The following VEZF1 variants were observed in gnomAD, a reference collection of about 807,000 sequenced individuals.
VEZF1 encodes vascular endothelial zinc finger 1.
VEZF1 carries 5 observed loss-of-function variants against 44.1 expected under a neutral mutation model. The ratio of observed to expected loss-of-function variants is 0.11; its 90% CI spans 0.06 to 0.24. The LOEUF (loss-of-function observed/expected upper bound fraction) is 0.24, where lower values mean the gene tolerates loss of function less well. Ranked by LOEUF, VEZF1 falls within the 10% of genes least tolerant of loss-of-function variation. VEZF1 has a pLI of 1.00. For synonymous variants in VEZF1, 236 were observed against 233.1 expected (o/e 1.01, Z -0.11); for missense variants, 358 against 641.8 (o/e 0.56, Z 4.78).
At position 57,974,775 on chromosome 17, in the gene VEZF1, T is replaced by C. The variant is rs1308071678; in HGVS notation, c.1264A>G (p.Met422Val). The C allele has an allele frequency of 9.3e-6, 15 of 1,614,194 alleles. No individual in the cohort carries two copies. The highest frequency in any genetic ancestry group is 2.2e-5 in the East Asian group (1 of 44,888). ...ACATTTACTGGACTTCTCATGCTCA[T>C]TGCAGCTGCCACTGTGACTGGGTTT... ...MSNPVTVAAAMSMRSPVNVSS... is the reference protein window; with the variant it reads ...MSNPVTVAAAVSMRSPVNVSS... The change falls in exon 6 of 6, where the codon ATG becomes GTG. Residue 422 changes from methionine (M) to valine (V), a missense_variant. By Grantham distance (21) the Met-to-Val change is conservative (BLOSUM62 1). Coordinates refer to ENST00000581208, the MANE Select transcript of VEZF1 (RefSeq NM_007146.3).
chr17:57,979,431 A>T (rs1444464061), intron 4 of VEZF1, 118 bp from the exon 5 acceptor site: 34 of 1,461,524 alleles, frequency 2.3e-5, no homozygotes, highest in African/African-American at 2.8e-5. Flanking sequence ...AGCTCTTAGT[A>T]AGTGCATCTT....
Position 57,982,645 on chromosome 17 carries a change from T to C in VEZF1, c.728+54A>G, listed in dbSNP as rs1403269884. 4 of 1,515,236 alleles carry C rather than the reference T, an allele frequency of 2.6e-6. No individual in the cohort carries two copies. In the Admixed American group the frequency reaches 8.0e-5, roughly 30 times the overall value. 93.9% of individuals were successfully genotyped at this position (1,515,236 alleles called of 1,614,324 possible). On this transcript the variant is annotated intron_variant, in intron 2 of 5. Transcript: ENST00000581208. ...ATTCTAGATCACATGGAGACAAAAC[T>C]GAAGTACACTGATACCATAATGAAG...
At chr17:57,975,013 T>C (rs1598042697) in intron 5 of VEZF1, 113 bp from the exon 6 acceptor site, 2 of 1,236,396 alleles carry the variant, frequency 1.6e-6, no homozygotes, top group Non-Finnish European at 2.2e-6. Context: ...TAAATCAAAT[T>C]CCAGTTTTCT....
At position 57,983,249 on chromosome 17, in the gene VEZF1, T is replaced by G. The variant is rs559456870; in HGVS notation, c.178A>C (p.Lys60Gln). The change falls in exon 2 of 6, where the codon AAG (lysine) becomes CAG (glutamine). Residue 60 changes from lysine to glutamine, a missense_variant. By Grantham distance (53) the Lys-to-Gln change is moderately conservative. This residue lies in a region of VEZF1 where 117 missense variants were observed against 207.2 expected (regional missense o/e 0.56). Coordinates refer to ENST00000581208, the MANE Select transcript of VEZF1 (RefSeq NM_007146.3). ...QKPQGAPETL[K>Q]DAIGIKKEKP... ...TCTTTTTTAATCCCAATGGCATCCT[T>G]TAATGTTTCTGGTGCACCCTGAGGT... is the stretch of plus-strand genomic sequence containing the variant. 1 of 1,614,120 alleles carries G rather than the reference T, an allele frequency of 6.2e-7. No homozygotes were observed. Among genetic ancestry groups the G allele is most frequent in the Non-Finnish European group, 8.5e-7 (1 of 1,180,008 alleles).
chr17:57,984,808 G>A (rs569513039), intron 1 of VEZF1, among the ~76,000 whole-genome samples: 2 of 152,330 alleles, frequency 1.3e-5, no homozygotes, highest in East Asian at 3.9e-4. Context: ...ATTAGGAGGT[G>A]TGGTATCCAG....
chr17:57,974,517 T>C lies in VEZF1; in HGVS notation c.1522A>G (p.Met508Val). The change falls in exon 6 of 6, where the codon ATG becomes GTG. Residue 508 changes from methionine to valine, a missense_variant. By Grantham distance (21) the Met-to-Val change is conservative. Coordinates refer to ENST00000581208, the MANE Select transcript of VEZF1 (RefSeq NM_007146.3). Reference sequence around the variant, plus strand: ...GGCAAAGCTTGGGGCAAGAAAGGCATGCTCTCTACAGGTCTCATTGCTATA... The same window carrying C: ...GGCAAAGCTTGGGGCAAGAAAGGCACGCTCTCTACAGGTCTCATTGCTATA... ...LNIAMRPVES[M>V]PFLPQALPTS... The C allele has an allele frequency of 1.2e-6, 2 of 1,614,132 alleles. No individual in the cohort carries two copies. The highest frequency in any genetic ancestry group is 2.2e-5 in the East Asian group (1 of 44,892).
chr17:57,975,556 C>T (rs1050051468), intron 5 of VEZF1, among the ~76,000 whole-genome samples: 2 of 152,204 alleles, frequency 1.3e-5, no homozygotes, highest in African/African-American at 2.4e-5. Context: ...GTTAAATAAT[C>T]TTATTCTTTC....
At position 57,987,546 on chromosome 17, in the gene VEZF1, G is replaced by A. The variant is rs576101741; in HGVS notation, c.33+533C>T. Among the ~76,000 whole-genome samples, 58 of 152,270 alleles carry A rather than the reference G, an allele frequency of 3.8e-4. 1 individual carries two copies. In the East Asian group the frequency reaches 9.9e-3, roughly 26 times the overall value. On this transcript the variant is annotated intron_variant, in intron 1 of 5. Transcript: ENST00000581208. ...GCTATTCGCGGGGACACGGGAGGGG[G>A]TCAGAAAGTCAACACACGCACGCAC...
At position 57,983,324 on chromosome 17, in the gene VEZF1, C is replaced by A; in HGVS notation, c.103G>T (p.Val35Leu). 6.2e-7 allele frequency: 1 copy of A among 1,614,104 alleles called. No individual in the cohort carries two copies. The highest frequency in any genetic ancestry group is 1.7e-5 in the Admixed American group (1 of 60,012). Residue 35 changes from valine (V) to leucine (L), a missense_variant, in exon 2 of 6, where the codon GTG becomes TTG. Transcript: ENST00000581208. Reference sequence around the variant, plus strand: ...AATGGTTTCTGATCAGGGGGCTCCACGGCAGAGCTCAGGAGGGGCAGCAAG... The same window carrying A: ...AATGGTTTCTGATCAGGGGGCTCCAAGGCAGAGCTCAGGAGGGGCAGCAAG... The part of the protein sequence containing the change: ...NSLLPLLSSA[V>L]EPPDQKPLLP...
At chr17:57,982,509 C>T (rs1965439550) in intron 2 of VEZF1, among the ~76,000 whole-genome samples, 190 bp downstream of exon 2, 1 of 152,094 alleles carries the variant, frequency 6.6e-6, no homozygotes, top group Non-Finnish European at 1.5e-5. Context: ...ATCACTATGT[C>T]ACCACTTGTC....
Position 57,979,281 on chromosome 17 carries a change from G to T in VEZF1, c.1009C>A (p.Gln337Lys). ...TGCTGCTGCTGCTGCTGCTGCTGCT[G>T]CTTTTGGTTACTGGTCTCTTCACTC... The part of the protein sequence containing the change: ...CMSEETSNQK[Q>K]QQQQQQQQQQ... The change falls in exon 5 of 6, where the codon CAG becomes AAG. Residue 337 changes from glutamine (Q) to lysine (K), a missense_variant. Gln to Lys is a moderately conservative substitution (Grantham distance 53). Transcript: ENST00000581208. The T allele has an allele frequency of 1.2e-6, 2 of 1,612,616 alleles. No homozygotes were observed. Among genetic ancestry groups the T allele is most frequent in the South Asian group, 2.2e-5 (2 of 90,956 alleles).
intron 1 of VEZF1, among the ~76,000 whole-genome samples, chr17:57,987,187 C>T (rs1384314228): frequency 2.6e-5 from 4 of 152,114 alleles, no homozygotes; most frequent in African/African-American, 9.7e-5. Flanking sequence ...TTGCTCTCTC[C>T]ACTTGGTTGG....
At chr17:57,987,101 T>C (rs1356874650) in intron 1 of VEZF1, among the ~76,000 whole-genome samples, 7 of 152,248 alleles carry the variant, frequency 4.6e-5, no homozygotes, top group African/African-American at 9.6e-5. Flanking sequence ...ACAGTCACTT[T>C]CAAGTTTCTT....
rs768159425 is a variant in VEZF1 at position 57,983,118 on chromosome 17, G to C, written c.309C>G (p.Ser103=). 3.1e-6 allele frequency: 5 copies of C among 1,614,212 alleles called. No individual in the cohort carries two copies. The highest frequency in any genetic ancestry group is 3.3e-4 in the Middle Eastern group (2 of 6,062). Residue 103 remains serine, a synonymous_variant, in exon 2 of 6, where the codon TCC becomes TCG. Coordinates refer to ENST00000581208, the MANE Select transcript of VEZF1 (RefSeq NM_007146.3). ...ESCHTGIKLV[S]RPKKTPTTVV... is the part of the protein sequence containing the mutation. The stretch of plus-strand genomic sequence containing the variant: ...CCGTGGTGGGGGTTTTCTTTGGCCG[G>C]GACACCAACTTGATCCCTGTGTGGC...
At chr17:57,975,119 C>G (rs574301966) in intron 5 of VEZF1, among the ~76,000 whole-genome samples, 60 of 152,334 alleles carry the variant, frequency 3.9e-4, no homozygotes, top group African/African-American at 1.3e-3. Context: ...ATACCTCCTG[C>G]AAGGACTTAA....
At chr17:57,984,619 T>C (rs1052522043) in intron 1 of VEZF1, among the ~76,000 whole-genome samples, 1 of 152,152 alleles carries the variant, frequency 6.6e-6, no homozygotes, top group Non-Finnish European at 1.5e-5. Context: ...GACGGTTACT[T>C]ACCCTTCTTA....
At position 57,974,816 on chromosome 17, in the gene VEZF1, G is replaced by A. The variant is rs1430825111; in HGVS notation, c.1223C>T (p.Ser408Leu). ...TTPFSITSSVSSGTMSNPVTV... is the reference protein window; with the variant it reads ...TTPFSITSSVLSGTMSNPVTV... ...GACTGGGTTTGACATAGTCCCAGAC[G>A]ACACAGAGGATGTTATACTGAATGG... Residue 408 changes from serine to leucine, a missense_variant, in exon 6 of 6, where the codon TCG (serine) becomes TTG (leucine). Coordinates refer to ENST00000581208, the MANE Select transcript of VEZF1 (RefSeq NM_007146.3). 4.3e-6 allele frequency: 7 copies of A among 1,614,134 alleles called. No homozygotes were observed. The highest frequency in any genetic ancestry group is 5.9e-6 in the Non-Finnish European group (7 of 1,180,028).
intron 1 of VEZF1, among the ~76,000 whole-genome samples, chr17:57,987,473 G>A (rs995813644): frequency 2.0e-5 from 3 of 152,250 alleles, no homozygotes; most frequent in Non-Finnish European, 4.4e-5. Context: ...GTAAACACGA[G>A]AGGGGTGGTG....
chr17:57,982,001 T>G, intron 2 of VEZF1, 65 bp from the exon 3 acceptor site: 1 of 1,540,348 alleles, frequency 6.5e-7, no homozygotes, highest in South Asian at 1.1e-5. Context: ...ACTTATGTGA[T>G]GCTCACATGC....
Sources: gnomAD v4.1 joint callset for allele counts (sites outside exome capture counted in the v4.1 genomes callset) on GRCh38, gnomAD v4.1.1 for gene constraint, gnomAD v4.1.1 regional missense constraint, MANE v1.5 for transcripts, NCBI Gene and HGNC (gene_info 2026-07-23, HGNC 2026-07-21) for gene names.